MED19: variants seen among roughly 807,000 people sequenced by gnomAD.
MED19 encodes mediator of RNA polymerase II transcription subunit 19.
In MED19, 4 loss-of-function variants were observed where a neutral mutation model predicts 19.9. The ratio of observed to expected loss-of-function variants is 0.20; its 90% confidence interval spans 0.10 to 0.46. The LOEUF (loss-of-function observed/expected upper bound fraction) is 0.46, where lower values mean the gene tolerates loss of function less well. Among genes scored for constraint, MED19 ranks in the 20% least tolerant of loss-of-function variants. The probability of loss-of-function intolerance (pLI) is 0.99; values close to 1 mark genes in which losing one functional copy is unlikely to be tolerated. For missense variants in MED19, 303 were observed against 318.7 expected, an observed-to-expected ratio of 0.95 and a Z score of 0.38; for synonymous variants, 139 against 119.6, an observed-to-expected ratio of 1.16 and a Z score of -1.06.
chr11:57,711,182 G>T (rs971330644), intron 1 of MED19, among the ~76,000 whole-genome samples: 19 of 152,202 alleles, frequency 1.2e-4, no homozygotes, highest in African/African-American at 3.6e-4. Context: ...TTTTTTGAAT[G>T]AAGAGTTTGG....
At chr11:57,708,114 G>A (rs892180482) in intron 1 of MED19, among the ~76,000 whole-genome samples, 1 of 151,570 alleles carries the variant, frequency 6.6e-6, no homozygotes, top group Non-Finnish European at 1.5e-5. Flanking sequence ...GATTACAGGC[G>A]TGAACCACCC....
intron 3 of MED19, 50 bp downstream of exon 3, chr11:57,704,669 G>GGTTTTTTTTT: frequency 1.6e-6 from 2 of 1,286,326 alleles, no homozygotes; most frequent in Non-Finnish European, 2.1e-6. Flanking sequence ...AGAAGGTCAG[G>GGTTTTTTTTT]TTTTTTTTTT....
exon 1 of MED19, chr11:57,712,000 A>T: frequency 6.6e-7 from 1 of 1,516,362 alleles, no homozygotes; most frequent in African/African-American, 1.4e-5. Context: ...GGCCACAGCC[A>T]GCTCCTGACT....
At chr11:57,706,009 T>A (rs1012908470) in intron 1 of MED19, among the ~76,000 whole-genome samples, 1 of 152,030 alleles carries the variant, frequency 6.6e-6, no homozygotes, top group Non-Finnish European at 1.5e-5. Flanking sequence ...TTTTTTTTTT[T>A]ACTAGCAAGA....
chr11:57,712,213 G>A lies in MED19; in HGVS notation c.-34C>T, dbSNP rs934225808. The A allele has an allele frequency of 8.1e-6, 12 of 1,479,834 alleles. No homozygotes were observed. The African/African-American group carries it at 1.7e-4, about 21-fold the overall frequency. 91.7% of individuals were successfully genotyped at this position (1,479,834 alleles called of 1,614,324 possible). On this transcript the variant is annotated 5_prime_UTR_variant, in exon 1 of 5. Transcript: ENST00000431606. ...CCGCCCCGGCGCTGTCTCCGTGTCT[G>A]CCGTTGGTAATTTTCATTGGACAAT...
rs1054161943 is a variant in MED19, at chr11:57,703,847, G to T, written c.*191C>A. On this transcript the variant is annotated 3_prime_UTR_variant, in exon 5 of 5. Coordinates refer to ENST00000431606, the Ensembl canonical transcript of MED19. ...AGAGATGTCCATGAGAAAACCAACTGGGATGAGCCTACAAAAGCATGTCCC... is the reference window on the plus strand; with the variant it reads ...AGAGATGTCCATGAGAAAACCAACTTGGATGAGCCTACAAAAGCATGTCCC... 19 of 789,792 alleles carry T rather than the reference G, an allele frequency of 2.4e-5. No homozygotes were observed. The African/African-American group carries it at 2.4e-4, about 10-fold the overall frequency. 48.9% of individuals were successfully genotyped at this position (789,792 alleles called of 1,614,324 possible).
intron 1 of MED19, among the ~76,000 whole-genome samples, chr11:57,711,085 A>C (rs565936435): frequency 1.3e-5 from 2 of 152,328 alleles, no homozygotes; most frequent in South Asian, 2.1e-4. Flanking sequence ...TGTACATCCC[A>C]AAAAAGGCAA....
At chr11:57,705,307 A>G (rs1946496648) in intron 1 of MED19, 78 bp from the exon 2 acceptor site, 2 of 1,453,270 alleles carry the variant, frequency 1.4e-6, no homozygotes, top group Admixed American at 4.5e-5. Flanking sequence ...ATATTAACCT[A>G]AATAAGACAT....
Position 57,708,137 on chromosome 11 carries a change from T to TA in MED19, c.218-2909dup, listed in dbSNP as rs112096138. Among the ~76,000 whole-genome samples, 920 of 141,886 alleles carry TA rather than the reference T, an allele frequency of 6.5e-3. 10 individuals carry two copies. Among genetic ancestry groups the TA allele is most frequent in the African/African-American group, 0.02 (789 of 39,074 alleles). 93.1% of individuals were successfully genotyped at this position (141,886 alleles called of 152,430 possible). On this transcript the variant is annotated intron_variant, in intron 1 of 4. Coordinates refer to ENST00000431606, the Ensembl canonical transcript of MED19. ...GCGTGAACCACCCTGCCCAACAAGA[T>TA]AAAAAAAAAAAAAATTGTTTTGAAA...
chr11:57,708,394 T>A (rs1215750263), intron 1 of MED19, among the ~76,000 whole-genome samples: 1 of 152,168 alleles, frequency 6.6e-6, no homozygotes, highest in Non-Finnish European at 1.5e-5. Context: ...AAATTTCTGA[T>A]CCATCCAAAT....
exon 3 of MED19, chr11:57,704,729 A>C (rs760673109): frequency 2.2e-5 from 32 of 1,474,972 alleles, no homozygotes; most frequent in Admixed American, 5.7e-5. Context: ...CTGGGGGGAC[A>C]GGATCCTGGG....
At chr11:57,712,188 C>G in exon 1 of MED19, 5 of 1,514,690 alleles carry the variant, frequency 3.3e-6, no homozygotes, top group South Asian at 1.2e-5. Flanking sequence ...ATCGTACCCT[C>G]CGCCCCGGCG....
chr11:57,708,103 G>C (rs1369809501), intron 1 of MED19, among the ~76,000 whole-genome samples: 3 of 151,858 alleles, frequency 2.0e-5, no homozygotes, highest in African/African-American at 7.3e-5. Flanking sequence ...CAAAGTGCTA[G>C]GATTACAGGC....
At chr11:57,710,216 G>C (rs1375391237) in intron 1 of MED19, among the ~76,000 whole-genome samples, 3 of 152,154 alleles carry the variant, frequency 2.0e-5, no homozygotes, top group Admixed American at 2.0e-4. Flanking sequence ...TTTTAAGTTA[G>C]CCAACTGTGG....
chr11:57,712,102 T>C, exon 1 of MED19: 2 of 1,527,194 alleles, frequency 1.3e-6, no homozygotes, highest in Non-Finnish European at 1.8e-6. Context: ...GTGGAGGCTT[T>C]CCTGGTCCGA....
rs776860168 is a variant in MED19 at position 57,705,222 on chromosome 11, T to C, written c.225A>G (p.Thr75=). 2.2e-5 allele frequency: 36 copies of C among 1,613,938 alleles called. No homozygotes were observed. The Admixed American group carries it at 5.8e-4, about 26-fold the overall frequency. The change falls in exon 2 of 5, where the codon ACA becomes ACG. Residue 75 remains threonine, a synonymous_variant. Transcript: ENST00000431606. ...TCAGATTCGTGCTGCCTGTCAGCTC[T>C]GTGCTACCTAGACAACGCAGAATAA...
chr11:57,704,843 G>A, intron 2 of MED19, 28 bp from the exon 3 acceptor site: 1 of 1,611,996 alleles, frequency 6.2e-7, no homozygotes. Context: ...AGGTCCAGGT[G>A]AGTAGAGGGA....
intron 1 of MED19, among the ~76,000 whole-genome samples, chr11:57,706,497 G>A (rs1002870107): frequency 2.6e-5 from 4 of 152,150 alleles, no homozygotes; most frequent in Non-Finnish European, 5.9e-5. Flanking sequence ...ATGGCCAGGC[G>A]CGGTGGCTCA....
intron 1 of MED19, among the ~76,000 whole-genome samples, chr11:57,709,380 TA>T (rs71470285): frequency 3.6e-3 from 500 of 138,080 alleles, no homozygotes; most frequent in Middle Eastern, 0.011. Flanking sequence ...AAACTCTGTT[TA>T]AAAAAAAAAA....
Sources: allele counts gnomAD v4.1 joint callset (sites outside exome capture counted in the v4.1 genomes callset), GRCh38; gene constraint gnomAD v4.1.1; transcripts MANE v1.5; gene names NCBI Gene and HGNC (gene_info 2026-07-23, HGNC 2026-07-21).